Variants in DAB2 observed in about 807,000 individuals in gnomAD.
DAB2 encodes disabled homolog 2.
Under a neutral mutation model 71.6 loss-of-function variants are expected in DAB2, and 28 were observed. The observed-to-expected ratio is 0.39, with a 90% confidence interval of 0.29 to 0.54. The LOEUF (loss-of-function observed/expected upper bound fraction) is 0.54, where lower values mean the gene tolerates loss of function less well. Among genes scored for constraint, DAB2 ranks in the 20% least tolerant of loss-of-function variants. The pLI, the probability that DAB2 is intolerant of heterozygous loss-of-function variation, is 0.68. For synonymous variants in DAB2, 345 were observed against 339.7 expected (o/e 1.02, Z -0.17); for missense variants, 867 against 928.8 (o/e 0.93, Z 0.86).
chr5:39,394,356 GAC>G lies in DAB2; in HGVS notation c.-38_-37del. 1 of 1,456,650 alleles carries G rather than the reference GAC, an allele frequency of 6.9e-7. No homozygotes were observed. The highest frequency in any genetic ancestry group is 9.6e-7 in the Non-Finnish European group (1 of 1,036,742). The allele number at this position is 1,456,650 out of a possible 1,614,324, so 90.2% of individuals were successfully genotyped here. A position where few individuals can be genotyped will look rare whatever the true frequency, so the allele number is the denominator to read the frequency against. On this transcript the variant is annotated 5_prime_UTR_variant, in exon 2 of 15. Transcript: ENST00000320816. ...CAGGCAGCAAACCTCAGTACCAGTG[GAC>G]ACTTGGTGACACCAGGCGATCCCGA...
In DAB2 at chr5:39,373,199, G is replaced by C. The variant is rs1754741844; in HGVS notation, c.*232C>G. ...GTACTTCATTTACACTTAAGCTAGA[G>C]AGTTTAGGATCTTAATTTATTTAAA... is the stretch of plus-strand genomic sequence containing the variant. On this transcript the variant is annotated 3_prime_UTR_variant, in exon 15 of 15. Transcript: ENST00000320816. 6.6e-6 allele frequency: 1 copy of C among 152,280 alleles called. No homozygotes were observed. Among genetic ancestry groups the C allele is most frequent in the Non-Finnish European group, 1.5e-5 (1 of 68,010 alleles). The allele number at this position is 152,280 out of a possible 1,614,324, so 9.4% of individuals were successfully genotyped here.
intron 1 of DAB2, among the ~76,000 whole-genome samples, chr5:39,413,820 T>G (rs933335555): frequency 2.0e-5 from 3 of 152,196 alleles, no homozygotes; most frequent in Non-Finnish European, 2.9e-5. Context: ...CAGCAAAGCT[T>G]AAAATGTAGG....
intron 1 of DAB2, among the ~76,000 whole-genome samples, chr5:39,396,997 T>C (rs1755383556): frequency 6.6e-6 from 1 of 152,220 alleles, no homozygotes. Flanking sequence ...CTTTGCCTGC[T>C]GGCTGCATGT....
chr5:39,410,264 A>G (rs1341294531), intron 1 of DAB2, among the ~76,000 whole-genome samples: 1 of 152,162 alleles, frequency 6.6e-6, no homozygotes, highest in African/African-American at 2.4e-5. Flanking sequence ...AGCTCTTGAG[A>G]TGGTATTAAC....
chr5:39,375,393 T>C (rs1754801945), intron 13 of DAB2, among the ~76,000 whole-genome samples: 1 of 152,214 alleles, frequency 6.6e-6, no homozygotes. Context: ...TTCAAGACAG[T>C]ATTTTGGCTC....
chr5:39,385,528 C>T (rs1035598724), intron 9 of DAB2: 1 of 152,206 alleles, frequency 6.6e-6, no homozygotes, highest in African/African-American at 2.4e-5. Context: ...CCAAAGACTC[C>T]TCATCCACCC....
intron 1 of DAB2, among the ~76,000 whole-genome samples, chr5:39,419,168 A>G (rs1755916361): frequency 6.6e-6 from 1 of 152,210 alleles, no homozygotes; most frequent in African/African-American, 2.4e-5. Context: ...AGGGCCAGAG[A>G]CATTGAATAG....
At chr5:39,391,262 G>A (rs1403049099) in intron 4 of DAB2, among the ~76,000 whole-genome samples, 1 of 152,122 alleles carries the variant, frequency 6.6e-6, no homozygotes, top group African/African-American at 2.4e-5. Flanking sequence ...CTTTCAAGCA[G>A]TTAACAAGGT....
At chr5:39,402,009 G>A (rs1179769153) in intron 1 of DAB2, among the ~76,000 whole-genome samples, 4 of 152,058 alleles carry the variant, frequency 2.6e-5, no homozygotes, top group Non-Finnish European at 4.4e-5. Flanking sequence ...CCTCACAATC[G>A]TGGTGGAAGG....
Position 39,420,828 on chromosome 5 carries a change from G to C in DAB2, c.-102+3976C>G, listed in dbSNP as rs570606154. Among the ~76,000 whole-genome samples the C allele has an allele frequency of 2.0e-5, 3 of 152,262 alleles. No homozygotes were observed. The East Asian group carries it at 5.8e-4, about 29-fold the overall frequency. On this transcript the variant is annotated intron_variant, in intron 1 of 14. Transcript: ENST00000320816. ...ATTTGTTCAGATTCTACTTCCCCTA[G>C]AGAGGCAGGCTTCCTTCCAGGGTAG... is the stretch of plus-strand genomic sequence containing the variant.
chr5:39,375,127 CAT>C, intron 13 of DAB2, 43 bp from the exon 14 acceptor site: 1 of 1,463,330 alleles, frequency 6.8e-7, no homozygotes, highest in Non-Finnish European at 9.4e-7. Flanking sequence ...CAGTTACAGT[CAT>C]AAGAAAAAAA....
In DAB2 at chr5:39,377,339, A is replaced by C. The variant is rs866711445; in HGVS notation, c.1505-57T>G. 65 of 1,543,232 alleles carry C rather than the reference A, an allele frequency of 4.2e-5. No homozygotes were observed. In the African/African-American group the frequency reaches 7.8e-4, roughly 19 times the overall value. ...GAGTCAAGCTTGAAGAAGATTCTTG[A>C]ATTTCAGAGAGCACAACTCTCTGGA... On this transcript the variant is annotated intron_variant, in intron 11 of 14. Coordinates refer to ENST00000320816, the MANE Select transcript of DAB2 (RefSeq NM_001343.4).
chr5:39,418,343 G>A (rs554302651), intron 1 of DAB2: 2 of 152,212 alleles, frequency 1.3e-5, no homozygotes, highest in African/African-American at 4.8e-5. Flanking sequence ...TATTTCTGTT[G>A]CACTAAATGG....
At chr5:39,407,523 A>T (rs1260372992) in intron 1 of DAB2, among the ~76,000 whole-genome samples, 1 of 152,210 alleles carries the variant, frequency 6.6e-6, no homozygotes, top group Non-Finnish European at 1.5e-5. Context: ...TTTAAAATGA[A>T]TGATACAAAT....
intron 1 of DAB2, among the ~76,000 whole-genome samples, chr5:39,405,161 T>C (rs1392556905): frequency 6.6e-6 from 1 of 152,216 alleles, no homozygotes; most frequent in African/African-American, 2.4e-5. Flanking sequence ...AGAATCCCTC[T>C]TTACACTTAT....
At chr5:39,421,715 G>A (rs116186385) in intron 1 of DAB2, among the ~76,000 whole-genome samples, 1,669 of 152,144 alleles carry the variant, frequency 0.011, 46 homozygotes, top group South Asian at 0.04. Context: ...AGGATATGCT[G>A]ATATTATGAG....
At chr5:39,407,934 A>C (rs1755643422) in intron 1 of DAB2, among the ~76,000 whole-genome samples, 1 of 152,190 alleles carries the variant, frequency 6.6e-6, no homozygotes, top group East Asian at 1.9e-4. Context: ...GTAATCTTAA[A>C]CTTCTCCTCT....
At position 39,382,626 on chromosome 5, in the gene DAB2, T is replaced by A. The variant is rs760872594; in HGVS notation, c.1333A>T (p.Thr445Ser). 6.2e-7 allele frequency: 1 copy of A among 1,612,676 alleles called. No individual in the cohort carries two copies. Among genetic ancestry groups the A allele is most frequent in the East Asian group, 2.2e-5 (1 of 44,820 alleles). The change falls in exon 10 of 15, where the codon ACT becomes TCT. Residue 445 changes from threonine to serine, a missense_variant. By Grantham distance (58) the Thr-to-Ser change is moderately conservative (BLOSUM62 1). Coordinates refer to ENST00000320816, the MANE Select transcript of DAB2 (RefSeq NM_001343.4). ...TGGAGAAGACAATTCACCTTAGCAG[T>A]CCTTCTGCCTCTTCCTGGTTTGGTA... ...QSTKPGRGRR[T>S]AKSSANDLLA...
intron 3 of DAB2, 145 bp from the exon 4 acceptor site, chr5:39,392,608 A>G (rs1295644093): frequency 1.6e-6 from 1 of 635,204 alleles, no homozygotes; most frequent in Admixed American, 2.7e-5. Flanking sequence ...CATCCGGGAC[A>G]GCAAGACGGC....
Sources: gnomAD v4.1 joint callset for allele counts (sites outside exome capture counted in the v4.1 genomes callset) on GRCh38, gnomAD v4.1.1 for gene constraint, MANE v1.5 for transcripts, NCBI Gene and HGNC (gene_info 2026-07-23, HGNC 2026-07-21) for gene names.